The following MAN2A1 variants were observed in gnomAD, a reference collection of about 807,000 sequenced individuals.
MAN2A1 encodes the protein mannosidase alpha class 2A member 1.
Under a neutral mutation model 142.6 loss-of-function variants are expected in MAN2A1, and 76 were observed. The observed-to-expected ratio is 0.53, with a 90% CI of 0.44 to 0.65. The LOEUF (loss-of-function observed/expected upper bound fraction) is 0.65. Ranked by LOEUF, MAN2A1 falls within the 30% of genes least tolerant of loss-of-function variation. MAN2A1 has a pLI of 0.00. For synonymous variants in MAN2A1, 559 were observed against 473.2 expected (o/e 1.18, Z -2.35); for missense variants, 1,311 against 1,365.1 (o/e 0.96, Z 0.62).
At position 109,826,544 on chromosome 5, in the gene MAN2A1, T is replaced by A. The variant is rs866647449; in HGVS notation, c.2566+2707T>A. 7.9e-5 allele frequency among the ~76,000 whole-genome samples: 12 copies of A among 152,194 alleles called. No homozygotes were observed. In the South Asian group the frequency reaches 2.5e-3, roughly 31 times the overall value. Reference sequence around the variant, plus strand: ...TTGTATTTGAGCTCCTCTTAACAAATCTCCCTCTGGGAAAAGATAAGCCCG... The same window carrying A: ...TTGTATTTGAGCTCCTCTTAACAAAACTCCCTCTGGGAAAAGATAAGCCCG... On this transcript the variant is annotated intron_variant, in intron 16 of 21. Transcript: ENST00000261483.
intron 20 of MAN2A1, chr5:109,862,635 G>C (rs1349625022): frequency 6.6e-6 from 1 of 152,076 alleles, no homozygotes; most frequent in Non-Finnish European, 1.5e-5. Context: ...ACTGCTTGAA[G>C]GTATCTGTTT....
chr5:109,839,644 TC>T, intron 16 of MAN2A1, among the ~76,000 whole-genome samples: 1 of 133,668 alleles, frequency 7.5e-6, no homozygotes, highest in African/African-American at 2.7e-5. Context: ...AGGCCCTGTC[TC>T]TCTCTTTTTT....
At chr5:109,728,637 A>G (rs1269574422) in intron 3 of MAN2A1, among the ~76,000 whole-genome samples, 3 of 152,318 alleles carry the variant, frequency 2.0e-5, no homozygotes, top group South Asian at 2.1e-4. Flanking sequence ...GTAGAGGAAA[A>G]AACAGGAGAA....
At chr5:109,714,672 A>G (rs1056565406) in intron 2 of MAN2A1, among the ~76,000 whole-genome samples, 6 of 152,208 alleles carry the variant, frequency 3.9e-5, no homozygotes, top group Admixed American at 3.9e-4. Context: ...CCTAAGGGGT[A>G]AATATTTTAA....
rs139938881 is a variant in MAN2A1, at chr5:109,749,194, A to G, written c.708-6135A>G. ...GTTTGCTACTAAGTTGTCTGTAACA[A>G]TTTCCCCATTAGGGAGAAAAGCTCT... On this transcript the variant is annotated intron_variant, in intron 4 of 21. Transcript: ENST00000261483. Among the ~76,000 whole-genome samples the G allele has an allele frequency of 2.4e-3, 372 of 152,234 alleles. 1 individual carries two copies. Among genetic ancestry groups the G allele is most frequent in the African/African-American group, 8.6e-3 (357 of 41,538 alleles).
intron 20 of MAN2A1, chr5:109,864,468 G>A (rs894444430): frequency 1.3e-5 from 2 of 152,072 alleles, no homozygotes; most frequent in Non-Finnish European, 2.9e-5. Flanking sequence ...ACATCAAGCT[G>A]GTAAATGTGA....
chr5:109,823,849 G>C lies in MAN2A1; in HGVS notation c.2566+12G>C, dbSNP rs199881435. 1 of 1,317,382 alleles carries C rather than the reference G, an allele frequency of 7.6e-7. No homozygotes were observed. Among genetic ancestry groups the C allele is most frequent in the African/African-American group, 1.5e-5 (1 of 66,036 alleles). 81.6% of individuals were successfully genotyped at this position (1,317,382 alleles called of 1,614,324 possible). On this transcript the variant is annotated intron_variant, in intron 16 of 21. Transcript: ENST00000261483. ...ATACCACATACAGGGTAAGAAAATA[G>C]GAATGCAGTTATGAAACATATGTAT...
chr5:109,758,467 G>A (rs888574348), intron 5 of MAN2A1, among the ~76,000 whole-genome samples: 2 of 151,292 alleles, frequency 1.3e-5, no homozygotes, highest in Non-Finnish European at 3.0e-5. Context: ...TTCTCATTCT[G>A]TGGTTTTTTC....
intron 12 of MAN2A1, among the ~76,000 whole-genome samples, chr5:109,801,712 C>G (rs1424437235): frequency 6.6e-6 from 1 of 152,078 alleles, no homozygotes; most frequent in East Asian, 1.9e-4. Flanking sequence ...CTGAATAAAT[C>G]AGTAATGGTT....
Position 109,690,514 on chromosome 5 carries a change from T to G in MAN2A1, c.97T>G (p.Tyr33Asp). 6.2e-7 allele frequency: 1 copy of G among 1,612,898 alleles called. No homozygotes were observed. The highest frequency in any genetic ancestry group is 8.5e-7 in the Non-Finnish European group (1 of 1,179,444). Residue 33 changes from tyrosine to aspartate, a missense_variant, in exon 1 of 22, where the codon TAC (tyrosine) becomes GAC (aspartate). Physicochemically the swap from Tyr to Asp is radical, Grantham distance 160 (BLOSUM62 -3). Transcript: ENST00000261483. ...YLMLDRGHLD[Y>D]PRNPRREGSF... ...GATGCTGGACCGGGGTCACTTAGAC[T>G]ACCCCAGGAACCCGCGCCGCGAGGG...
At chr5:109,823,632 G>T (rs937988800) in intron 15 of MAN2A1, 91 bp from the exon 16 acceptor site, 4 of 684,796 alleles carry the variant, frequency 5.8e-6, no homozygotes, top group Non-Finnish European at 1.0e-5. Context: ...CAGGTGATAC[G>T]TATTTTCTAT....
rs774004253 is a variant in MAN2A1 at position 109,774,774 on chromosome 5, TG to T, written c.1197-13del. 2.5e-6 allele frequency: 4 copies of T among 1,589,136 alleles called. No homozygotes were observed. The highest frequency in any genetic ancestry group is 2.3e-5 in the East Asian group (1 of 44,372). On this transcript the variant is annotated splice_polypyrimidine_tract_variant and intron_variant, in intron 7 of 21. Coordinates refer to ENST00000261483, the MANE Select transcript of MAN2A1 (RefSeq NM_002372.4). ...TTCATATTTGCTGTTTTTTTGTGTT[TG>T]TTTTTTTTGTAGGGCTCGGATGCTA... is the stretch of plus-strand genomic sequence containing the variant.
chr5:109,826,777 C>T (rs1754771473), intron 16 of MAN2A1, among the ~76,000 whole-genome samples: 1 of 152,230 alleles, frequency 6.6e-6, no homozygotes, highest in South Asian at 2.1e-4. Flanking sequence ...GGTGATCAGT[C>T]TTCAGGGATC....
intron 10 of MAN2A1, 127 bp from the exon 11 acceptor site, chr5:109,788,807 T>G: frequency 1.7e-6 from 1 of 587,692 alleles, no homozygotes; most frequent in Non-Finnish European, 3.1e-6. Context: ...TGTCATAGAT[T>G]CATTATAGGT....
intron 5 of MAN2A1, among the ~76,000 whole-genome samples, chr5:109,756,332 A>T (rs138052221): frequency 2.3e-4 from 35 of 152,304 alleles, no homozygotes; most frequent in African/African-American, 7.9e-4. Context: ...TAATATTTGC[A>T]TTTTGTAACA....
chr5:109,801,936 ATATT>A (rs141453639), intron 12 of MAN2A1, among the ~76,000 whole-genome samples: 2,862 of 152,316 alleles, frequency 0.019, 34 homozygotes, highest in Middle Eastern at 0.075. Context: ...AGAAAATAGA[ATATT>A]TATTCTTAAA....
intron 7 of MAN2A1, among the ~76,000 whole-genome samples, chr5:109,774,224 T>G (rs181868000): frequency 6.6e-6 from 1 of 152,276 alleles, no homozygotes; most frequent in Admixed American, 6.5e-5. Context: ...GTGTGGATTT[T>G]TTTTTCTTTA....
intron 5 of MAN2A1, among the ~76,000 whole-genome samples, chr5:109,762,437 A>G (rs752816836): frequency 1.3e-5 from 2 of 152,046 alleles, no homozygotes; most frequent in Non-Finnish European, 2.9e-5. Context: ...ACATACATAC[A>G]TTTTGGCTCA....
At chr5:109,853,905 T>C (rs971594556) in intron 19 of MAN2A1, 5 of 152,144 alleles carry the variant, frequency 3.3e-5, no homozygotes, top group African/African-American at 1.2e-4. Context: ...GCAGTGTCCC[T>C]CTGCTGTCTT....
Sources: gnomAD v4.1 joint callset for allele counts (sites outside exome capture counted in the v4.1 genomes callset) on GRCh38, gnomAD v4.1.1 for gene constraint, MANE v1.5 for transcripts, NCBI Gene and HGNC (gene_info 2026-07-23, HGNC 2026-07-21) for gene names.